Variants in CSMD1 observed in about 807,000 individuals in gnomAD.
CSMD1 encodes the protein CUB and sushi domain-containing protein 1.
A neutral mutation model predicts 417.5 loss-of-function variants in CSMD1; 213 were observed. That is an observed-to-expected ratio of 0.51 (90% CI 0.46 to 0.57). The LOEUF (loss-of-function observed/expected upper bound fraction) is 0.57. Among genes scored for constraint, CSMD1 ranks in the 20% least tolerant of loss-of-function variants. CSMD1 has a pLI of 0.00. For synonymous variants in CSMD1, 2,862 were observed against 1,736.8 expected (o/e 1.65, Z -16.11); for missense variants, 6,923 against 4,529.7 (o/e 1.53, Z -15.17).
chr8:4,256,652 A>G (rs1185102930), intron 3 of CSMD1, among the ~76,000 whole-genome samples: 2 of 152,180 alleles, frequency 1.3e-5, no homozygotes, highest in African/African-American at 2.4e-5. Context: ...GCCCCAAGTC[A>G]CAGATGGCTA....
rs993230685 is a variant in CSMD1 at position 3,963,665 on chromosome 8, T to C, written c.818+34238A>G. Among the ~76,000 whole-genome samples, 13 of 152,362 alleles carry C rather than the reference T, an allele frequency of 8.5e-5. 1 individual carries two copies. The highest frequency in any genetic ancestry group is 6.8e-3 in the Middle Eastern group (2 of 292). ...AAATACTAAAGCTATGTGCGTATGA[T>C]TTTGTATGTGTGTAAGTGAATATAC... On this transcript the variant is annotated intron_variant, in intron 5 of 69. Transcript: ENST00000635120.
chr8:3,621,997 G>GTC, intron 7 of CSMD1, among the ~76,000 whole-genome samples: 2 of 151,174 alleles, frequency 1.3e-5, no homozygotes, highest in Non-Finnish European at 3.0e-5. Context: ...GTGTATGTGT[G>GTC]TGTGTGTGTG....
intron 1 of CSMD1, among the ~76,000 whole-genome samples, chr8:4,894,024 T>G (rs1585278465): frequency 6.6e-6 from 1 of 151,302 alleles, no homozygotes; most frequent in Non-Finnish European, 1.5e-5. Context: ...CTTTGGATTT[T>G]CTCTTTGATT....
At chr8:3,995,257 G>C (rs1218583001) in intron 5 of CSMD1, among the ~76,000 whole-genome samples, 2 of 152,096 alleles carry the variant, frequency 1.3e-5, no homozygotes, top group Non-Finnish European at 2.9e-5. Flanking sequence ...ACCATCTTTT[G>C]CTTTTCAGCC....
intron 30 of CSMD1, among the ~76,000 whole-genome samples, chr8:3,208,810 T>C (rs919943488): frequency 1.3e-5 from 2 of 152,132 alleles, no homozygotes; most frequent in African/African-American, 4.8e-5. Context: ...CCTACATCTT[T>C]CTCCTGTGCT....
intron 5 of CSMD1, among the ~76,000 whole-genome samples, chr8:3,979,581 A>G (rs976482415): frequency 3.9e-5 from 6 of 152,210 alleles, no homozygotes; most frequent in African/African-American, 1.4e-4. Flanking sequence ...GGAAGATGGG[A>G]TCATGAGGAT....
intron 7 of CSMD1, among the ~76,000 whole-genome samples, chr8:3,660,038 GT>G (rs1220194013): frequency 2.6e-5 from 4 of 152,154 alleles, no homozygotes; most frequent in Admixed American, 6.5e-5. Flanking sequence ...ATTCTGTACT[GT>G]CCCTGTGTTC....
intron 2 of CSMD1, among the ~76,000 whole-genome samples, chr8:4,571,336 A>G: frequency 6.6e-6 from 1 of 152,096 alleles, no homozygotes; most frequent in Admixed American, 6.6e-5. Context: ...ATTCTGGTAC[A>G]TTGTGTCTTT....
chr8:4,189,940 A>G (rs1798916085), intron 3 of CSMD1, among the ~76,000 whole-genome samples: 1 of 151,922 alleles, frequency 6.6e-6, no homozygotes, highest in South Asian at 2.1e-4. Flanking sequence ...TTTTCTAAAA[A>G]GCAGAGAGCA....
intron 51 of CSMD1, among the ~76,000 whole-genome samples, chr8:3,024,958 CTGTGTATTGTGTGGTGTTATT>C: frequency 6.6e-6 from 1 of 152,180 alleles, no homozygotes; most frequent in Non-Finnish European, 1.5e-5. Context: ...TGCCCTAAAA[CTGTGTATTGTGTGGTGTTATT>C]CTAAAACTGT....
At chr8:4,035,905 C>G (rs953960820) in intron 3 of CSMD1, among the ~76,000 whole-genome samples, 1 of 152,202 alleles carries the variant, frequency 6.6e-6, no homozygotes, top group Non-Finnish European at 1.5e-5. Context: ...CTCACTCACA[C>G]ACAGACTCAC....
intron 3 of CSMD1, among the ~76,000 whole-genome samples, chr8:4,367,453 T>G (rs1420818179): frequency 6.6e-6 from 1 of 152,222 alleles, no homozygotes; most frequent in African/African-American, 2.4e-5. Context: ...GATGTTTTGA[T>G]TAATGTAGTC....
At chr8:3,471,172 C>T (rs546385128) in intron 11 of CSMD1, among the ~76,000 whole-genome samples, 1 of 152,254 alleles carries the variant, frequency 6.6e-6, no homozygotes, top group East Asian at 1.9e-4. Flanking sequence ...AATAGGCATT[C>T]GGTGTTGTCG....
intron 1 of CSMD1, among the ~76,000 whole-genome samples, chr8:4,816,594 C>A (rs941623160): frequency 3.9e-5 from 6 of 152,184 alleles, no homozygotes; most frequent in Non-Finnish European, 7.3e-5. Context: ...GAGTGTCAAG[C>A]ACAGTCGAGG....
At chr8:4,077,621 G>A (rs1487819772) in intron 3 of CSMD1, among the ~76,000 whole-genome samples, 2 of 151,906 alleles carry the variant, frequency 1.3e-5, no homozygotes, top group Non-Finnish European at 2.9e-5. Flanking sequence ...GGTCATTCAA[G>A]GTCAGTAGAT....
chr8:3,785,662 G>A (rs187931884), intron 5 of CSMD1, among the ~76,000 whole-genome samples: 28 of 152,280 alleles, frequency 1.8e-4, no homozygotes, highest in Admixed American at 1.1e-3. Flanking sequence ...AGTTGGCATC[G>A]CCCTGAGGGT....
intron 10 of CSMD1, among the ~76,000 whole-genome samples, chr8:3,548,656 T>TCACA (rs1322469479): frequency 1.2e-4 from 10 of 86,006 alleles, no homozygotes; most frequent in African/African-American, 3.2e-4. Flanking sequence ...TGGTATTCCA[T>TCACA]CATACACACA....
intron 1 of CSMD1, among the ~76,000 whole-genome samples, chr8:4,807,552 G>C (rs991578448): frequency 6.6e-6 from 1 of 152,156 alleles, no homozygotes; most frequent in African/African-American, 2.4e-5. Flanking sequence ...CGTGTTCATT[G>C]TTCCGTGGGC....
intron 3 of CSMD1, among the ~76,000 whole-genome samples, chr8:4,334,659 G>T (rs1800064637): frequency 6.6e-6 from 1 of 152,112 alleles, no homozygotes; most frequent in Non-Finnish European, 1.5e-5. Context: ...TCTATGGTTA[G>T]AGAAGCTGTA....
Sources: allele counts gnomAD v4.1 joint callset (sites outside exome capture counted in the v4.1 genomes callset), GRCh38; gene constraint gnomAD v4.1.1; transcripts MANE v1.5; gene names NCBI Gene and HGNC (gene_info 2026-07-23, HGNC 2026-07-21).